The following EYA1 variants were observed in gnomAD, a reference collection of about 807,000 sequenced individuals.
EYA1 encodes protein phosphatase EYA1.
EYA1 carries 16 observed loss-of-function variants against 82.0 expected under a neutral mutation model. The observed-to-expected ratio is 0.20, with a 90% confidence interval of 0.13 to 0.30. EYA1 has a LOEUF of 0.30. EYA1 is among the 10% of genes least tolerant of loss of function. The pLI, the probability that EYA1 is intolerant of heterozygous loss-of-function variation, is 1.00. For synonymous variants in EYA1, 261 were observed against 264.4 expected (o/e 0.99, Z 0.12); for missense variants, 633 against 730.7 (o/e 0.87, Z 1.54).
At chr8:71,445,192 T>G (rs1193983362) in intron 2 of EYA1, among the ~76,000 whole-genome samples, 5 of 152,218 alleles carry the variant, frequency 3.3e-5, no homozygotes. Flanking sequence ...AAAATTTACC[T>G]TCGTCATCCA....
rs146076897 is a variant in EYA1 at position 71,445,362 on chromosome 8, T to A, written c.34-88851A>T. On this transcript the variant is annotated intron_variant, in intron 2 of 18. Coordinates refer to the EYA1 transcript ENST00000643681. ...GAAATGGAGACTTTAGAGTAACAGA[T>A]AATCAAAGACTATCTATCCAATAAT... is the stretch of plus-strand genomic sequence containing the variant. 1.7e-3 allele frequency among the ~76,000 whole-genome samples: 264 copies of A among 152,292 alleles called. 2 individuals carry two copies. Among genetic ancestry groups the A allele is most frequent in the African/African-American group, 5.9e-3 (245 of 41,554 alleles).
At chr8:71,376,344 T>A (rs1326087852) in intron 2 of EYA1, among the ~76,000 whole-genome samples, 26 of 152,084 alleles carry the variant, frequency 1.7e-4, no homozygotes, top group Admixed American at 1.7e-3. Context: ...GCATGGGACA[T>A]TGCTGGCCAG....
rs111347260 is a variant in EYA1 at position 71,481,535 on chromosome 8, C to T, written c.33+54209G>A. Among the ~76,000 whole-genome samples, 278 of 152,204 alleles carry T rather than the reference C, an allele frequency of 1.8e-3. 2 individuals carry two copies. The highest frequency in any genetic ancestry group is 6.2e-3 in the African/African-American group (259 of 41,538). ...TGTTTTTTTCTGAGTGCCTACTGCA[C>T]GCCGGGACTATGCAAGATGCTGAAT... On this transcript the variant is annotated intron_variant, in intron 2 of 18. Transcript: ENST00000643681.
chr8:71,374,783 G>C (rs1226028973), intron 2 of EYA1, among the ~76,000 whole-genome samples: 1 of 151,968 alleles, frequency 6.6e-6, no homozygotes, highest in East Asian at 1.9e-4. Flanking sequence ...AATGAATAAA[G>C]AAACTGTGGT....
chr8:71,461,275 G>A (rs990846133), intron 2 of EYA1, among the ~76,000 whole-genome samples: 1 of 152,132 alleles, frequency 6.6e-6, no homozygotes, highest in Non-Finnish European at 1.5e-5. Context: ...CTGGCAAGGG[G>A]GAGTCATGCA....
intron 2 of EYA1, among the ~76,000 whole-genome samples, chr8:71,472,399 A>G (rs1451099303): frequency 6.6e-6 from 1 of 152,138 alleles, no homozygotes. Flanking sequence ...TGGTGCCCCA[A>G]GAATTCTAAA....
In EYA1 at chr8:71,199,281, C is replaced by T; in HGVS notation, c.*59G>A. ...GGCCGGCGCTGATGCGAGACTGGGG[C>T]CTGCTGGATCTGTCCCTGGTCACAG... On this transcript the variant is annotated 3_prime_UTR_variant, in exon 18 of 18. Transcript: ENST00000340726. The T allele has an allele frequency of 7.9e-7, 1 of 1,262,314 alleles. No individual in the cohort carries two copies. The highest frequency in any genetic ancestry group is 1.1e-6 in the Non-Finnish European group (1 of 878,652). The allele number at this position is 1,262,314 out of a possible 1,614,324, so 78.2% of individuals were successfully genotyped here.
At chr8:71,476,352 A>G (rs1035913479) in intron 2 of EYA1, among the ~76,000 whole-genome samples, 7 of 152,158 alleles carry the variant, frequency 4.6e-5, no homozygotes, top group Admixed American at 1.3e-4. Context: ...CTCTAGCTAC[A>G]TTAATCCATT....
chr8:71,489,466 A>G (rs1411094226), intron 2 of EYA1, among the ~76,000 whole-genome samples: 3 of 152,250 alleles, frequency 2.0e-5, no homozygotes, highest in African/African-American at 7.2e-5. Context: ...CATAATGTAC[A>G]TACATAAGGG....
chr8:71,425,219 C>G (rs1418457784), intron 2 of EYA1, among the ~76,000 whole-genome samples: 1 of 150,808 alleles, frequency 6.6e-6, no homozygotes. Context: ...GGAGGCAGAG[C>G]TTGCAGGGAG....
chr8:71,523,135 A>G (rs952244721), intron 2 of EYA1, among the ~76,000 whole-genome samples: 30 of 150,998 alleles, frequency 2.0e-4, no homozygotes, highest in Non-Finnish European at 4.0e-4. Context: ...TTCCAAAGTA[A>G]TATAAAAATC....
chr8:71,270,785 G>C (rs1042966171), intron 10 of EYA1, among the ~76,000 whole-genome samples: 1 of 152,070 alleles, frequency 6.6e-6, no homozygotes, highest in African/African-American at 2.4e-5. Flanking sequence ...AACATTCCAG[G>C]TTTTCCTTTC....
Position 71,370,367 on chromosome 8 carries a change from A to G in EYA1, c.34-13856T>C, listed in dbSNP as rs1828008881. On this transcript the variant is annotated intron_variant, in intron 2 of 18. Coordinates refer to the EYA1 transcript ENST00000643681. ...GTAATCAGTCACTCAACAAATATTT[A>G]TCATGTATCTAGTATGTGCCAGGTA... is the stretch of plus-strand genomic sequence containing the variant. Among the ~76,000 whole-genome samples, 5 of 148,616 alleles carry G rather than the reference A, an allele frequency of 3.4e-5. No homozygotes were observed. The South Asian group carries it at 1.1e-3, about 33-fold the overall frequency.
At chr8:71,229,473 A>T (rs563870386) in intron 12 of EYA1, among the ~76,000 whole-genome samples, 1 of 152,178 alleles carries the variant, frequency 6.6e-6, no homozygotes, top group Non-Finnish European at 1.5e-5. Context: ...ACCATCTTTC[A>T]CGTGTCTTTT....
intron 6 of EYA1, among the ~76,000 whole-genome samples, chr8:71,321,316 A>G (rs1465321122): frequency 1.3e-5 from 2 of 152,180 alleles, no homozygotes; most frequent in Admixed American, 6.5e-5. Context: ...TTAAAGCAAG[A>G]GTTTGTTGAA....
intron 2 of EYA1, among the ~76,000 whole-genome samples, chr8:71,457,068 AAAAC>A (rs774886864): frequency 6.6e-5 from 10 of 152,188 alleles, no homozygotes; most frequent in African/African-American, 2.4e-4. Context: ...TTACAAGAAA[AAAAC>A]AAACAACCCC....
intron 2 of EYA1, among the ~76,000 whole-genome samples, chr8:71,434,135 G>A (rs182163268): frequency 6.6e-6 from 1 of 152,274 alleles, no homozygotes; most frequent in African/African-American, 2.4e-5. Flanking sequence ...ATCATCTGAA[G>A]GATGAAGTTA....
chr8:71,389,392 T>C (rs1439083043), intron 2 of EYA1, among the ~76,000 whole-genome samples: 2 of 152,122 alleles, frequency 1.3e-5, no homozygotes, highest in Admixed American at 1.3e-4. Flanking sequence ...AACAAACAGC[T>C]TCACAATATG....
rs138834144 is a variant in EYA1 at position 71,223,318 on chromosome 8, C to T, written c.1141-6295G>A. Among the ~76,000 whole-genome samples, 292 of 152,248 alleles carry T rather than the reference C, an allele frequency of 1.9e-3. 1 individual carries two copies. The highest frequency in any genetic ancestry group is 3.5e-3 in the Non-Finnish European group (236 of 68,004). On this transcript the variant is annotated intron_variant, in intron 12 of 17. Transcript: ENST00000340726. The stretch of plus-strand genomic sequence containing the variant: ...ACCAGCCTGCAAACCTCTGCTTTTC[C>T]ACAACAGGATCCTACAAGCATCTTT...
Sources: allele counts gnomAD v4.1 joint callset (sites outside exome capture counted in the v4.1 genomes callset), GRCh38; gene constraint gnomAD v4.1.1; transcripts MANE v1.5; gene names NCBI Gene and HGNC (gene_info 2026-07-23, HGNC 2026-07-21).